Variants in HCN1 observed in about 807,000 individuals in gnomAD.
HCN1 encodes the protein potassium/sodium hyperpolarization-activated cyclic nucleotide-gated channel 1.
Under a neutral mutation model 78.9 loss-of-function variants are expected in HCN1, and 13 were observed. That is an observed-to-expected ratio of 0.16 (90% CI 0.11 to 0.26). HCN1 has a LOEUF of 0.26. Among genes scored for constraint, HCN1 ranks in the 10% least tolerant of loss-of-function variants. The pLI is 1.00. For missense variants in HCN1, 810 were observed against 1,154.3 expected (o/e 0.70, Z 4.32); for synonymous variants, 552 against 455.5 (o/e 1.21, Z -2.70).
chr5:45,428,898 A>C (rs1178735056), intron 3 of HCN1, among the ~76,000 whole-genome samples: 1 of 152,150 alleles, frequency 6.6e-6, no homozygotes, highest in African/African-American at 2.4e-5. Flanking sequence ...TAATCGGAAA[A>C]GTGCATAAGG....
At chr5:45,268,768 G>A (rs560737383) in intron 6 of HCN1, among the ~76,000 whole-genome samples, 1 of 152,276 alleles carries the variant, frequency 6.6e-6, no homozygotes, top group East Asian at 1.9e-4. Flanking sequence ...GTGTTTGTCT[G>A]AATGTTTTTG....
chr5:45,309,181 T>G (rs923061737), intron 5 of HCN1, among the ~76,000 whole-genome samples: 3 of 152,192 alleles, frequency 2.0e-5, no homozygotes, highest in Non-Finnish European at 4.4e-5. Context: ...GTTGTTGGTG[T>G]ACAGGAATGC....
At chr5:45,476,241 G>C (rs1741512052) in intron 2 of HCN1, among the ~76,000 whole-genome samples, 2 of 152,208 alleles carry the variant, frequency 1.3e-5, no homozygotes, top group Non-Finnish European at 2.9e-5. Flanking sequence ...TGGTAAGAGA[G>C]CCCTCACCAG....
At chr5:45,685,620 G>A (rs1241473386) in intron 1 of HCN1, among the ~76,000 whole-genome samples, 1 of 152,090 alleles carries the variant, frequency 6.6e-6, no homozygotes, top group East Asian at 1.9e-4. Flanking sequence ...GCTGAGGCAG[G>A]AGAATCGCTT....
intron 4 of HCN1, among the ~76,000 whole-genome samples, chr5:45,354,738 T>C (rs1015774090): frequency 1.3e-5 from 2 of 152,026 alleles, no homozygotes; most frequent in African/African-American, 2.4e-5. Flanking sequence ...TCAAACTATT[T>C]AAAGCCTGAA....
At chr5:45,268,167 G>T (rs1334965212) in intron 6 of HCN1, among the ~76,000 whole-genome samples, 1 of 152,012 alleles carries the variant, frequency 6.6e-6, no homozygotes, top group Non-Finnish European at 1.5e-5. Context: ...ATGTACAGAG[G>T]GACTCTCTAT....
chr5:45,516,793 T>A (rs2111769639), intron 2 of HCN1, among the ~76,000 whole-genome samples: 1 of 152,120 alleles, frequency 6.6e-6, no homozygotes, highest in East Asian at 1.9e-4. Flanking sequence ...AGACTTGGTA[T>A]CTTATTAAAT....
chr5:45,516,797 A>G (rs960463994), intron 2 of HCN1, among the ~76,000 whole-genome samples: 2 of 151,992 alleles, frequency 1.3e-5, no homozygotes, highest in Non-Finnish European at 2.9e-5. Flanking sequence ...TTGGTATCTT[A>G]TTAAATATTA....
intron 4 of HCN1, among the ~76,000 whole-genome samples, chr5:45,355,909 A>C (rs1746998687): frequency 6.6e-6 from 1 of 151,984 alleles, no homozygotes; most frequent in Non-Finnish European, 1.5e-5. Context: ...TGAATTTGGA[A>C]ATTAGGTAGT....
intron 2 of HCN1, among the ~76,000 whole-genome samples, chr5:45,492,205 A>T (rs928445238): frequency 1.3e-5 from 2 of 151,812 alleles, no homozygotes; most frequent in African/African-American, 4.8e-5. Flanking sequence ...ACCCTTCAGT[A>T]CAGGCAGAAT....
chr5:45,436,929 A>C (rs531929024), intron 3 of HCN1, among the ~76,000 whole-genome samples: 1 of 152,228 alleles, frequency 6.6e-6, no homozygotes, highest in African/African-American at 2.4e-5. Flanking sequence ...ATTAAATAAT[A>C]CAGTAAATGA....
At position 45,689,474 on chromosome 5, in the gene HCN1, T is replaced by C. The variant is rs1186659291; in HGVS notation, c.425+6195A>G. The stretch of plus-strand genomic sequence containing the variant: ...AATTCTGCTGAACAGAAAGCCTAGA[T>C]AGAAAAATAAGTGTGTGCACAATGA... On this transcript the variant is annotated intron_variant, in intron 1 of 7. Coordinates refer to ENST00000303230, the MANE Select transcript of HCN1 (RefSeq NM_021072.4). Among the ~76,000 whole-genome samples, 7 of 151,960 alleles carry C rather than the reference T, an allele frequency of 4.6e-5. No homozygotes were observed. In the East Asian group the frequency reaches 7.7e-4, roughly 17 times the overall value.
At position 45,622,305 on chromosome 5, in the gene HCN1, GTTTTAAAAAAGA is replaced by G. The variant is rs572903495; in HGVS notation, c.849+22868_849+22879del. 5.9e-5 allele frequency among the ~76,000 whole-genome samples: 9 copies of G among 152,202 alleles called. No homozygotes were observed. In the East Asian group the frequency reaches 1.7e-3, roughly 29 times the overall value. On this transcript the variant is annotated intron_variant, in intron 2 of 7. Transcript: ENST00000303230. ...AAATACAAGCCATGTGAAAGGAATT[GTTTTAAAAAAGA>G]TTTTTCTGAGTGCTATGGGTCAGTT... is the stretch of plus-strand genomic sequence containing the variant.
At chr5:45,332,165 T>A (rs1414139794) in intron 5 of HCN1, among the ~76,000 whole-genome samples, 1 of 151,412 alleles carries the variant, frequency 6.6e-6, no homozygotes, top group East Asian at 1.9e-4. Context: ...AGCACAGGCA[T>A]CTTTCTAATC....
chr5:45,304,318 CA>C (rs772953347), intron 5 of HCN1, among the ~76,000 whole-genome samples: 2 of 150,716 alleles, frequency 1.3e-5, no homozygotes, highest in Non-Finnish European at 2.9e-5. Context: ...TTGTTAGTGT[CA>C]TTCACATTAG....
intron 2 of HCN1, among the ~76,000 whole-genome samples, chr5:45,468,219 C>T (rs951189885): frequency 3.3e-5 from 5 of 151,976 alleles, no homozygotes; most frequent in African/African-American, 1.2e-4. Context: ...TATGATGATA[C>T]CTTTGAAACA....
chr5:45,583,641 C>T (rs1348543015), intron 2 of HCN1, among the ~76,000 whole-genome samples: 1 of 152,030 alleles, frequency 6.6e-6, no homozygotes, highest in Non-Finnish European at 1.5e-5. Flanking sequence ...TGGATCTTTC[C>T]TGCTTTCTCT....
At chr5:45,451,673 T>A (rs10071378) in intron 3 of HCN1, among the ~76,000 whole-genome samples, 151,400 of 151,742 alleles carry the variant, frequency 1, 75,530 homozygotes, top group South Asian at 1. Context: ...ATCTTTTTTT[T>A]AAAAAAGTGA....
intron 2 of HCN1, among the ~76,000 whole-genome samples, chr5:45,571,234 G>A (rs1271508355): frequency 2.0e-5 from 3 of 152,058 alleles, no homozygotes; most frequent in Admixed American, 6.6e-5. Context: ...TGTGATTCAC[G>A]TAAATCCAGA....
Sources: gnomAD v4.1 joint callset for allele counts (sites outside exome capture counted in the v4.1 genomes callset) on GRCh38, gnomAD v4.1.1 for gene constraint, MANE v1.5 for transcripts, NCBI Gene and HGNC (gene_info 2026-07-23, HGNC 2026-07-21) for gene names.